The following PLEKHB2 variants were observed in gnomAD, a reference collection of about 807,000 sequenced individuals.
PLEKHB2 encodes the protein pleckstrin homology domain containing B2.
PLEKHB2 carries 31 observed loss-of-function variants against 36.5 expected under a neutral mutation model. The observed-to-expected ratio is 0.85, with a 90% confidence interval of 0.64 to 1.15. The LOEUF (loss-of-function observed/expected upper bound fraction) is 1.15. PLEKHB2 is among the 50% of genes most tolerant of loss of function. The pLI is 0.00. For missense variants in PLEKHB2, 262 were observed against 295.3 expected (o/e 0.89, Z 0.83); for synonymous variants, 119 against 112.0 (o/e 1.06, Z -0.39).
chr2:131,120,511 C>T lies in PLEKHB2; in HGVS notation c.-8-423C>T, dbSNP rs762707931. Reference sequence around the variant, plus strand: ...TTGTTTTTTTGCCCTGACCTGGCCACTCCACGTCACTCACTGCTGACACCA... The same window carrying T: ...TTGTTTTTTTGCCCTGACCTGGCCATTCCACGTCACTCACTGCTGACACCA... On this transcript the variant is annotated intron_variant, in intron 1 of 7. Coordinates refer to ENST00000693505, the MANE Select transcript of PLEKHB2 (RefSeq NM_001100623.2). The T allele has an allele frequency of 2.4e-4, 46 of 192,514 alleles. 1 individual carries two copies. The highest frequency in any genetic ancestry group is 7.5e-4 in the Admixed American group (13 of 17,394). The allele number at this position is 192,514 out of a possible 1,614,324, so 11.9% of individuals were successfully genotyped here.
chr2:131,119,197 A>G (rs1413102648), intron 1 of PLEKHB2, among the ~76,000 whole-genome samples: 4 of 152,084 alleles, frequency 2.6e-5, no homozygotes, highest in African/African-American at 9.7e-5. Flanking sequence ...TGGAGGTTGC[A>G]GTGAGCTGAG....
intron 7 of PLEKHB2, 123 bp from the exon 8 acceptor site, chr2:131,146,514 G>T: frequency 1.0e-6 from 1 of 960,466 alleles, no homozygotes; most frequent in Non-Finnish European, 1.5e-6. Context: ...TGTGGAGGAG[G>T]GCTGGGTCGC....
intron 2 of PLEKHB2, 27 bp downstream of exon 2, chr2:131,121,005 TCGGCATTGCCGAA>T: frequency 1.2e-6 from 2 of 1,610,888 alleles, no homozygotes; most frequent in Non-Finnish European, 1.7e-6. Flanking sequence ...CGGTCTGCGA[TCGGCATTGCCGAA>T]GGGCAGTCTC....
intron 2 of PLEKHB2, among the ~76,000 whole-genome samples, chr2:131,125,382 T>G (rs972014598): frequency 1.3e-5 from 2 of 152,224 alleles, no homozygotes; most frequent in African/African-American, 2.4e-5. Flanking sequence ...AAAGCACCAG[T>G]TGGCGGGCCC....
chr2:131,110,493 AGTCTCCCGAGTAG>A (rs1312763885), intron 1 of PLEKHB2, among the ~76,000 whole-genome samples: 1 of 152,020 alleles, frequency 6.6e-6, no homozygotes, highest in African/African-American at 2.4e-5. Context: ...TTCCTACCTC[AGTCTCCCGAGTAG>A]GTGGGACTAC....
At chr2:131,125,707 C>CGA in intron 2 of PLEKHB2, 46 bp from the exon 3 acceptor site, 1 of 1,508,260 alleles carries the variant, frequency 6.6e-7, no homozygotes, top group Non-Finnish European at 9.0e-7. Context: ...AATAGTAAGA[C>CGA]TGTCTCTAAA....
At chr2:131,130,830 G>T in intron 5 of PLEKHB2, 70 bp downstream of exon 5, 1 of 1,093,106 alleles carries the variant, frequency 9.1e-7, no homozygotes, top group South Asian at 1.3e-5. Flanking sequence ...ACTCAGGCTT[G>T]AGTGCAGTGG....
chr2:131,111,957 A>G (rs1385724462), intron 1 of PLEKHB2, among the ~76,000 whole-genome samples: 1 of 151,898 alleles, frequency 6.6e-6, no homozygotes, highest in Non-Finnish European at 1.5e-5. Flanking sequence ...CTTTGACCTC[A>G]TTTCCTGCCT....
rs1699456228 is a variant in PLEKHB2 at position 131,148,578 on chromosome 2, C to T, written c.*1805C>T. On this transcript the variant is annotated 3_prime_UTR_variant, in exon 8 of 8. Coordinates refer to ENST00000693505, the MANE Select transcript of PLEKHB2 (RefSeq NM_001100623.2). ...ATGCTGTCTTGCTTTGCTGCTCAGC[C>T]ACCTCCCTCTGAGGCCAACTTAGGC... 1 of 152,174 alleles carries T rather than the reference C, an allele frequency of 6.6e-6. No individual in the cohort carries two copies. The highest frequency in any genetic ancestry group is 6.5e-5 in the Admixed American group (1 of 15,274). 9.4% of individuals were successfully genotyped at this position (152,174 alleles called of 1,614,324 possible). A position where few individuals can be genotyped will look rare whatever the true frequency, so the allele number is the denominator to read the frequency against.
At chr2:131,134,734 T>C (rs1389565643) in intron 6 of PLEKHB2, among the ~76,000 whole-genome samples, 1 of 152,232 alleles carries the variant, frequency 6.6e-6, no homozygotes, top group Non-Finnish European at 1.5e-5. Flanking sequence ...TTAGAATAAA[T>C]TTGTTTATAT....
chr2:131,119,637 T>C (rs1696264557), intron 1 of PLEKHB2, among the ~76,000 whole-genome samples: 1 of 152,232 alleles, frequency 6.6e-6, no homozygotes, highest in Admixed American at 6.5e-5. Flanking sequence ...GTATATGAAC[T>C]ATTAAAGTTT....
intron 1 of PLEKHB2, among the ~76,000 whole-genome samples, chr2:131,106,275 A>T (rs1694722539): frequency 6.6e-6 from 1 of 152,166 alleles, no homozygotes; most frequent in South Asian, 2.1e-4. Flanking sequence ...TCATGGTCTC[A>T]GCCTTTAAAT....
At chr2:131,109,624 T>TG (rs1384941245) in intron 1 of PLEKHB2, among the ~76,000 whole-genome samples, 1 of 151,504 alleles carries the variant, frequency 6.6e-6, no homozygotes, top group Non-Finnish European at 1.5e-5. Flanking sequence ...TGGAAGGCGA[T>TG]GGGTGCAGTG....
chr2:131,128,290 G>A (rs536687804), intron 4 of PLEKHB2, among the ~76,000 whole-genome samples: 22 of 152,282 alleles, frequency 1.4e-4, no homozygotes, highest in Admixed American at 1.1e-3. Context: ...TTAAACGTGA[G>A]CAGGATGTAA....
Position 131,146,996 on chromosome 2 carries a change from C to A in PLEKHB2, c.*223C>A, listed in dbSNP as rs531790207. On this transcript the variant is annotated 3_prime_UTR_variant, in exon 8 of 8. Transcript: ENST00000693505. ...GACTCTCCGGGGGCACTGGCTCATTCCAAGACTGTTCTTGTGCAACTCTCA... is the reference window on the plus strand; with the variant it reads ...GACTCTCCGGGGGCACTGGCTCATTACAAGACTGTTCTTGTGCAACTCTCA... The A allele has an allele frequency of 5.5e-4, 216 of 392,856 alleles. No individual in the cohort carries two copies. The highest frequency in any genetic ancestry group is 3.5e-3 in the African/African-American group (171 of 48,718). The allele number at this position is 392,856 out of a possible 1,614,324, so 24.3% of individuals were successfully genotyped here.
At chr2:131,110,549 A>AT (rs1409237152) in intron 1 of PLEKHB2, among the ~76,000 whole-genome samples, 5 of 151,906 alleles carry the variant, frequency 3.3e-5, no homozygotes, top group Admixed American at 2.0e-4. Flanking sequence ...CTAACTTCTT[A>AT]TTTTTTTGTT....
At position 131,146,696 on chromosome 2, in the gene PLEKHB2, G is replaced by A. The variant is rs368388748; in HGVS notation, c.592G>A (p.Asp198Asn). 16 of 1,613,900 alleles carry A rather than the reference G, an allele frequency of 9.9e-6. No individual in the cohort carries two copies. The highest frequency in any genetic ancestry group is 2.2e-5 in the South Asian group (2 of 91,046). The stretch of plus-strand genomic sequence containing the variant: ...CATTCGAGAGCGCTATCGAGACAAC[G>A]ACAGCGACCTGGCACTGGGCATGCT... ...VIIRERYRDNDSDLALGMLAG... is the reference protein window; with the variant it reads ...VIIRERYRDNNSDLALGMLAG... Residue 198 changes from aspartate to asparagine, a missense_variant, in exon 8 of 8, where the codon GAC (aspartate) becomes AAC (asparagine). Physicochemically the swap from Asp to Asn is conservative, Grantham distance 23. Coordinates refer to ENST00000693505, the MANE Select transcript of PLEKHB2 (RefSeq NM_001100623.2).
intron 1 of PLEKHB2, chr2:131,120,611 C>G: frequency 2.5e-6 from 1 of 394,436 alleles, no homozygotes; most frequent in East Asian, 5.3e-5. Flanking sequence ...CTCCAGCAAG[C>G]CACGAGAATC....
At chr2:131,120,763 C>T in intron 1 of PLEKHB2, 171 bp from the exon 2 acceptor site, 1 of 703,144 alleles carries the variant, frequency 1.4e-6, no homozygotes, top group Non-Finnish European at 2.6e-6. Flanking sequence ...GAGTGCGGGG[C>T]ACATGAACCC....
Sources: gnomAD v4.1 joint callset for allele counts (sites outside exome capture counted in the v4.1 genomes callset) on GRCh38, gnomAD v4.1.1 for gene constraint, MANE v1.5 for transcripts, NCBI Gene and HGNC (gene_info 2026-07-23, HGNC 2026-07-21) for gene names.